Variants in RHBDD1 observed in about 807,000 individuals in gnomAD.
RHBDD1 encodes rhomboid-related protein 4.
A neutral mutation model predicts 36.3 loss-of-function variants in RHBDD1; 38 were observed. The observed-to-expected ratio is 1.05, with a 90% confidence interval of 0.81 to 1.37. The LOEUF is 1.37. Ranked by LOEUF, RHBDD1 falls within the 40% of genes most tolerant of loss-of-function variation. The probability of loss-of-function intolerance (pLI) is 0.00; values close to 1 mark genes in which losing one functional copy is unlikely to be tolerated. For missense variants in RHBDD1, 393 were observed against 377.6 expected, an observed-to-expected ratio of 1.04 and a Z score of -0.34; for synonymous variants, 151 against 136.5, an observed-to-expected ratio of 1.11 and a Z score of -0.74.
intron 5 of RHBDD1, among the ~76,000 whole-genome samples, chr2:226,887,089 A>T (rs1207857995): frequency 6.6e-6 from 1 of 152,190 alleles, no homozygotes; most frequent in African/African-American, 2.4e-5. Context: ...ACAGATACGG[A>T]GGAGGCTAGG....
intron 8 of RHBDD1, among the ~76,000 whole-genome samples, chr2:226,949,770 G>A (rs1022458792): frequency 6.6e-6 from 1 of 152,076 alleles, no homozygotes; most frequent in Non-Finnish European, 1.5e-5. Context: ...TCCTGAGGCT[G>A]CTCTCCTTGG....
chr2:226,961,011 T>C (rs1952154951), intron 8 of RHBDD1, among the ~76,000 whole-genome samples: 1 of 152,312 alleles, frequency 6.6e-6, no homozygotes, highest in Non-Finnish European at 1.5e-5. Flanking sequence ...AAGAATTTCA[T>C]TGCTGTGTTT....
chr2:226,818,606 C>T, the RHBDD1 span, among the ~76,000 whole-genome samples: 4 of 151,500 alleles, frequency 2.6e-5, no homozygotes, highest in Non-Finnish European at 4.4e-5. Context: ...TTTGGGAGGC[C>T]GAGGTGGGTG....
rs138968379 is a variant in RHBDD1 at position 226,890,816 on chromosome 2, T to A, written c.567-15977T>A. Among the ~76,000 whole-genome samples the A allele has an allele frequency of 1.9e-3, 283 of 152,288 alleles. 1 individual carries two copies. Among genetic ancestry groups the A allele is most frequent in the Admixed American group, 5.3e-3 (81 of 15,298 alleles). On this transcript the variant is annotated intron_variant, in intron 5 of 8. Transcript: ENST00000392062. ...TTCCTATTATGTACCCATAAAAATT[T>A]AAAATAAAATTTTTTTAAAAAGTAA...
chr2:226,998,295 A>C lies in RHBDD1; in HGVS notation c.*2773A>C, dbSNP rs1343455126. 1 of 152,142 alleles carries C rather than the reference A, an allele frequency of 6.6e-6. No homozygotes were observed. Among genetic ancestry groups the C allele is most frequent in the East Asian group, 1.9e-4 (1 of 5,184 alleles). The allele number at this position is 152,142 out of a possible 1,614,324, so 9.4% of individuals were successfully genotyped here. On this transcript the variant is annotated 3_prime_UTR_variant, in exon 9 of 9. Coordinates refer to ENST00000392062, the MANE Select transcript of RHBDD1 (RefSeq NM_001167608.3). ...CCTGCTGCAGTAAATAACTAGTTTG[A>C]GTAGAACTAGATCCTGTCTATCTAT...
intron 8 of RHBDD1, among the ~76,000 whole-genome samples, chr2:226,970,660 C>T (rs1002353114): frequency 1.3e-5 from 2 of 152,210 alleles, no homozygotes; most frequent in Non-Finnish European, 1.5e-5. Flanking sequence ...AAGGAGTTAA[C>T]AATTTTACTT....
At chr2:226,843,724 A>G (rs1941922849) in intron 3 of RHBDD1, among the ~76,000 whole-genome samples, 1 of 152,044 alleles carries the variant, frequency 6.6e-6, no homozygotes, top group Non-Finnish European at 1.5e-5. Context: ...ATTGGCCTGA[A>G]TTTTTCTTTT....
chr2:226,807,799 A>G, the RHBDD1 span, among the ~76,000 whole-genome samples: 1 of 152,192 alleles, frequency 6.6e-6, no homozygotes, highest in South Asian at 2.1e-4. Context: ...GTAATCTGAC[A>G]TATTTTAAAG....
At chr2:226,915,156 T>C (rs1948810100) in intron 8 of RHBDD1, among the ~76,000 whole-genome samples, 1 of 151,930 alleles carries the variant, frequency 6.6e-6, no homozygotes, top group African/African-American at 2.4e-5. Flanking sequence ...TAAGAGAGGC[T>C]CAAGCTAAGT....
Position 226,969,542 on chromosome 2 carries a change from A to T in RHBDD1, c.857-25889A>T, listed in dbSNP as rs954651397. Among the ~76,000 whole-genome samples the T allele has an allele frequency of 2.6e-5, 4 of 152,096 alleles. No individual in the cohort carries two copies. In the East Asian group the frequency reaches 5.8e-4, roughly 22 times the overall value. On this transcript the variant is annotated intron_variant, in intron 8 of 8. Coordinates refer to ENST00000392062, the MANE Select transcript of RHBDD1 (RefSeq NM_001167608.3). ...AACTACATCCAAGGAAGCTGTTCCA[A>T]GTTTCTTAGGTAATGGCCATTAAGG...
intron 8 of RHBDD1, among the ~76,000 whole-genome samples, chr2:226,940,242 T>G (rs1156426192): frequency 6.6e-6 from 1 of 152,208 alleles, no homozygotes; most frequent in African/African-American, 2.4e-5. Context: ...GACGTAGTTA[T>G]GGGCAAAGAT....
intron 3 of RHBDD1, among the ~76,000 whole-genome samples, chr2:226,846,005 A>T (rs991334938): frequency 6.6e-6 from 1 of 152,202 alleles, no homozygotes; most frequent in Non-Finnish European, 1.5e-5. Context: ...ATGTAAATGC[A>T]ATTTGTTCAT....
intron 8 of RHBDD1, among the ~76,000 whole-genome samples, chr2:226,980,339 G>T (rs1403952706): frequency 1.3e-5 from 2 of 152,158 alleles, no homozygotes; most frequent in African/African-American, 4.8e-5. Context: ...TAGCAGAAGG[G>T]CAGCTTTGTA....
intron 4 of RHBDD1, 101 bp downstream of exon 4, chr2:226,865,227 G>T: frequency 1.1e-6 from 1 of 911,590 alleles, no homozygotes; most frequent in Non-Finnish European, 1.7e-6. Flanking sequence ...ATTCTGAGTG[G>T]TTAAGGGCTG....
At position 226,931,571 on chromosome 2, in the gene RHBDD1, C is replaced by T. The variant is rs1950034529; in HGVS notation, c.856+17220C>T. Among the ~76,000 whole-genome samples, 3 of 152,080 alleles carry T rather than the reference C, an allele frequency of 2.0e-5. No individual in the cohort carries two copies. The South Asian group carries it at 6.2e-4, about 32-fold the overall frequency. ...GTACACTACTTGGGTGATGAGTGCA[C>T]TAAAATCTCAGACTTCACCACTATA... is the stretch of plus-strand genomic sequence containing the variant. On this transcript the variant is annotated intron_variant, in intron 8 of 8. Coordinates refer to ENST00000392062, the MANE Select transcript of RHBDD1 (RefSeq NM_001167608.3).
chr2:226,906,001 T>C (rs999039624), intron 5 of RHBDD1, among the ~76,000 whole-genome samples: 2 of 152,098 alleles, frequency 1.3e-5, no homozygotes, highest in African/African-American at 4.8e-5. Context: ...AGCAGAGGTT[T>C]TTGAGAATCG....
chr2:226,835,346 G>A (rs1242068854), upstream of RHBDD1, among the ~76,000 whole-genome samples: 1 of 152,168 alleles, frequency 6.6e-6, no homozygotes. Context: ...TGTATTAATC[G>A]AAATTCTATT....
chr2:226,800,580 C>A, the RHBDD1 span, among the ~76,000 whole-genome samples: 1 of 152,182 alleles, frequency 6.6e-6, no homozygotes, highest in African/African-American at 2.4e-5. Context: ...CCTTGCCCAT[C>A]CGTGTGACGG....
chr2:226,991,680 A>C (rs1958249156), intron 8 of RHBDD1, among the ~76,000 whole-genome samples: 1 of 152,224 alleles, frequency 6.6e-6, no homozygotes, highest in Admixed American at 6.5e-5. Flanking sequence ...GGAGCTACTC[A>C]GTATTCCCAT....
Sources: gnomAD v4.1 joint callset for allele counts (sites outside exome capture counted in the v4.1 genomes callset) on GRCh38, gnomAD v4.1.1 for gene constraint, MANE v1.5 for transcripts, NCBI Gene and HGNC (gene_info 2026-07-23, HGNC 2026-07-21) for gene names.